The following ROBO2 variants were observed in gnomAD, a reference collection of about 807,000 sequenced individuals.
ROBO2 encodes roundabout guidance receptor 2, also known as roundabout homolog 2.
A neutral mutation model predicts 160.8 loss-of-function variants in ROBO2; 53 were observed. The ratio of observed to expected loss-of-function variants is 0.33; its 90% CI spans 0.26 to 0.41. The LOEUF (loss-of-function observed/expected upper bound fraction) is 0.41. Ranked by LOEUF, ROBO2 falls within the 10% of genes least tolerant of loss-of-function variation. The pLI, the probability that ROBO2 is intolerant of heterozygous loss-of-function variation, is 1.00. For missense variants in ROBO2, 1,577 were observed against 1,722.4 expected, an observed-to-expected ratio of 0.92 and a Z score of 1.49; for synonymous variants, 664 against 611.7, an observed-to-expected ratio of 1.09 and a Z score of -1.26.
intron 1 of ROBO2, among the ~76,000 whole-genome samples, chr3:77,088,893 A>G (rs539240736): frequency 6.6e-6 from 1 of 152,172 alleles, no homozygotes; most frequent in Non-Finnish European, 1.5e-5. Context: ...CCCTGTGTTC[A>G]TAAATTTAAA....
chr3:76,451,727 G>A lies in ROBO2; in HGVS notation c.109+514125G>A, dbSNP rs143938326. Among the ~76,000 whole-genome samples, 55 of 152,204 alleles carry A rather than the reference G, an allele frequency of 3.6e-4. No individual in the cohort carries two copies. The South Asian group carries it at 4.4e-3, about 12-fold the overall frequency. On this transcript the variant is annotated intron_variant, in intron 2 of 26. Coordinates refer to the ROBO2 transcript ENST00000487694. ...GTTTCTAAATTGTTAGATTCAATCC[G>A]TATTCCTCTGAACTCAAAATACTAA... is the stretch of plus-strand genomic sequence containing the variant.
chr3:76,675,314 C>T (rs1213438670), intron 2 of ROBO2, among the ~76,000 whole-genome samples: 1 of 152,100 alleles, frequency 6.6e-6, no homozygotes, highest in East Asian at 1.9e-4. Flanking sequence ...ATATCCTTGC[C>T]ACATTCCCAA....
At chr3:76,006,682 T>A (rs1242223003) in intron 2 of ROBO2, among the ~76,000 whole-genome samples, 1 of 152,128 alleles carries the variant, frequency 6.6e-6, no homozygotes, top group Non-Finnish European at 1.5e-5. Context: ...AAGAATCTAG[T>A]TTAGTGCCTG....
At chr3:77,085,040 G>T (rs2069124132) in intron 1 of ROBO2, among the ~76,000 whole-genome samples, 1 of 152,008 alleles carries the variant, frequency 6.6e-6, no homozygotes, top group Non-Finnish European at 1.5e-5. Flanking sequence ...GCCATCAATA[G>T]ATATCATAAA....
At chr3:76,115,090 TG>T (rs1367715821) in intron 2 of ROBO2, among the ~76,000 whole-genome samples, 1 of 152,140 alleles carries the variant, frequency 6.6e-6, no homozygotes, top group Non-Finnish European at 1.5e-5. Flanking sequence ...GATGTTCTTA[TG>T]GTTAGAACTC....
At chr3:76,589,698 C>A (rs2108811626) in intron 2 of ROBO2, among the ~76,000 whole-genome samples, 1 of 152,244 alleles carries the variant, frequency 6.6e-6, no homozygotes, top group East Asian at 1.9e-4. Context: ...TTTTCCTCAA[C>A]TGTTTAGTTA....
chr3:76,224,468 A>G (rs549425379), intron 2 of ROBO2, among the ~76,000 whole-genome samples: 1 of 152,260 alleles, frequency 6.6e-6, no homozygotes, highest in Non-Finnish European at 1.5e-5. Context: ...CTCCACAATT[A>G]TGTTCTCTTT....
intron 2 of ROBO2, among the ~76,000 whole-genome samples, chr3:76,178,774 T>A (rs762052469): frequency 6.6e-6 from 1 of 152,008 alleles, no homozygotes; most frequent in Non-Finnish European, 1.5e-5. Flanking sequence ...AAACCCTGTC[T>A]CTACTAAAAG....
chr3:77,601,552 G>A (rs929788452), intron 19 of ROBO2, among the ~76,000 whole-genome samples: 4 of 152,026 alleles, frequency 2.6e-5, no homozygotes, highest in Non-Finnish European at 5.9e-5. Flanking sequence ...TCTCTAGTTC[G>A]GAGTTGATAG....
chr3:75,963,236 G>A (rs1325838110), intron 2 of ROBO2, among the ~76,000 whole-genome samples: 1 of 151,748 alleles, frequency 6.6e-6, no homozygotes, highest in African/African-American at 2.4e-5. Context: ...CACCCCGGGT[G>A]GAGTGCAGTG....
At chr3:76,313,284 G>A (rs1161254450) in intron 2 of ROBO2, among the ~76,000 whole-genome samples, 2 of 152,192 alleles carry the variant, frequency 1.3e-5, no homozygotes, top group Non-Finnish European at 2.9e-5. Context: ...GCCTCGCCTT[G>A]ATATGCATAT....
intron 2 of ROBO2, among the ~76,000 whole-genome samples, chr3:76,566,294 T>TA (rs1340961954): frequency 6.6e-6 from 1 of 152,154 alleles, no homozygotes; most frequent in Non-Finnish European, 1.5e-5. Context: ...AGAGGGTTTC[T>TA]AAAATTAGAA....
intron 2 of ROBO2, among the ~76,000 whole-genome samples, chr3:76,467,244 A>AT (rs1467297237): frequency 3.3e-5 from 5 of 152,060 alleles, no homozygotes; most frequent in South Asian, 2.1e-4. Flanking sequence ...TAATGCAGCC[A>AT]TTTTTTATTT....
At chr3:76,147,524 T>C (rs1389404915) in intron 2 of ROBO2, among the ~76,000 whole-genome samples, 2 of 152,088 alleles carry the variant, frequency 1.3e-5, no homozygotes, top group Non-Finnish European at 1.5e-5. Context: ...ATTACTGTTT[T>C]ACACCTTTAA....
rs372115904 is a variant in ROBO2, at chr3:76,978,938, G to GTT, written c.110-119071_110-119070dup. Reference sequence around the variant, plus strand: ...TAGAGTTTTTTTTGTTTGTTTGTTTGTTTTTTAAAAAAAAAAAAAAGAAAA... The same window carrying GTT: ...TAGAGTTTTTTTTGTTTGTTTGTTTGTTTTTTTTAAAAAAAAAAAAAAGAAAA... On this transcript the variant is annotated intron_variant, in intron 2 of 26. Transcript: ENST00000487694. Among the ~76,000 whole-genome samples, 1,114 of 132,218 alleles carry GTT rather than the reference G, an allele frequency of 8.4e-3. 12 individuals are homozygous for GTT. The highest frequency in any genetic ancestry group is 0.03 in the African/African-American group (1,042 of 34,842). 86.7% of individuals were successfully genotyped at this position (132,218 alleles called of 152,430 possible).
intron 2 of ROBO2, among the ~76,000 whole-genome samples, chr3:76,857,055 G>C (rs1431615980): frequency 6.6e-6 from 1 of 151,394 alleles, no homozygotes; most frequent in Admixed American, 6.6e-5. Context: ...GTGTGATCTC[G>C]GCTCACTGCT....
intron 6 of ROBO2, among the ~76,000 whole-genome samples, chr3:77,533,601 T>A (rs2091901733): frequency 6.6e-6 from 1 of 152,140 alleles, no homozygotes. Flanking sequence ...TGGCTGCTCT[T>A]CAGCCTTCGC....
intron 2 of ROBO2, among the ~76,000 whole-genome samples, chr3:76,108,104 A>G (rs986313918): frequency 1.3e-5 from 2 of 152,080 alleles, no homozygotes; most frequent in Non-Finnish European, 2.9e-5. Context: ...CTAGCAATGT[A>G]TAATTTATTT....
At chr3:76,829,505 C>A (rs1295679966) in intron 2 of ROBO2, among the ~76,000 whole-genome samples, 1 of 151,884 alleles carries the variant, frequency 6.6e-6, no homozygotes, top group African/African-American at 2.4e-5. Context: ...AGAAAATCCT[C>A]CCTTGCATGA....
Sources: allele counts gnomAD v4.1 joint callset (sites outside exome capture counted in the v4.1 genomes callset), GRCh38; gene constraint gnomAD v4.1.1; transcripts MANE v1.5; gene names NCBI Gene and HGNC (gene_info 2026-07-23, HGNC 2026-07-21).